Variants in TRHDE observed in about 807,000 individuals in gnomAD.
TRHDE encodes thyrotropin-releasing hormone-degrading ectoenzyme.
Under a neutral mutation model 125.7 loss-of-function variants are expected in TRHDE, and 72 were observed. The ratio of observed to expected loss-of-function variants is 0.57; its 90% CI spans 0.47 to 0.70. The LOEUF (loss-of-function observed/expected upper bound fraction) is 0.70. Among genes scored for constraint, TRHDE ranks in the 30% least tolerant of loss-of-function variants. TRHDE has a pLI of 0.00. For missense variants in TRHDE, 1,110 were observed against 1,327.1 expected (o/e 0.84, Z 2.54); for synonymous variants, 509 against 509.1 (o/e 1.00, Z 0.00).
intron 2 of TRHDE, among the ~76,000 whole-genome samples, chr12:72,217,131 GA>G (rs1877909806): frequency 6.6e-6 from 1 of 151,882 alleles, no homozygotes; most frequent in South Asian, 2.1e-4. Flanking sequence ...TTACTGGCAA[GA>G]AATCTTAAAA....
At chr12:72,249,686 T>G (rs971161184) in intron 2 of TRHDE, among the ~76,000 whole-genome samples, 1 of 152,192 alleles carries the variant, frequency 6.6e-6, no homozygotes, top group African/African-American at 2.4e-5. Flanking sequence ...AACTCTCATG[T>G]GTTGTTGATG....
At chr12:72,577,907 T>A (rs1397928971) in intron 12 of TRHDE, among the ~76,000 whole-genome samples, 1 of 152,188 alleles carries the variant, frequency 6.6e-6, no homozygotes, top group Non-Finnish European at 1.5e-5. Flanking sequence ...TTATAATTTG[T>A]TTTATTGCTC....
intron 3 of TRHDE, among the ~76,000 whole-genome samples, chr12:72,462,354 CAT>C (rs1193076335): frequency 2.0e-5 from 3 of 152,124 alleles, no homozygotes; most frequent in Non-Finnish European, 2.9e-5. Flanking sequence ...TGATACTTTG[CAT>C]AGGAGTAGAG....
chr12:72,187,942 T>C (rs904149451), intron 2 of TRHDE, among the ~76,000 whole-genome samples: 4 of 152,208 alleles, frequency 2.6e-5, no homozygotes, highest in Admixed American at 6.5e-5. Flanking sequence ...GGGTCTATTA[T>C]ACACATTAAA....
At chr12:72,371,391 TA>T (rs1327120664) in intron 2 of TRHDE, among the ~76,000 whole-genome samples, 1 of 150,358 alleles carries the variant, frequency 6.7e-6, no homozygotes, top group African/African-American at 2.5e-5. Flanking sequence ...TTTATTTATT[TA>T]TTTTTATTAT....
intron 2 of TRHDE, among the ~76,000 whole-genome samples, chr12:72,328,512 G>T (rs1869441481): frequency 6.7e-6 from 1 of 148,732 alleles, no homozygotes; most frequent in South Asian, 2.1e-4. Context: ...ATCTGAGGAA[G>T]ATAAAAATAG....
intron 12 of TRHDE, among the ~76,000 whole-genome samples, chr12:72,592,872 G>A (rs568677755): frequency 2.6e-5 from 4 of 152,026 alleles, no homozygotes; most frequent in East Asian, 1.9e-4. Context: ...CACTATGCCC[G>A]GCTAATTTTG....
intron 6 of TRHDE, among the ~76,000 whole-genome samples, chr12:72,521,253 A>G (rs1476438629): frequency 6.6e-6 from 1 of 152,226 alleles, no homozygotes; most frequent in Non-Finnish European, 1.5e-5. Context: ...CATAATTCCC[A>G]AAGAGTCTAC....
intron 15 of TRHDE, among the ~76,000 whole-genome samples, chr12:72,637,874 T>C (rs532627107): frequency 0.016 from 2,386 of 152,044 alleles, 21 homozygotes; most frequent in Middle Eastern, 0.037. Flanking sequence ...AGAGATAGTT[T>C]GTTATAATTT....
In TRHDE at chr12:72,417,697, A is replaced by G. The variant is rs562471702; in HGVS notation, c.1315+39576A>G. 2.6e-5 allele frequency among the ~76,000 whole-genome samples: 4 copies of G among 152,154 alleles called. No individual in the cohort carries two copies. The South Asian group carries it at 6.2e-4, about 24-fold the overall frequency. On this transcript the variant is annotated intron_variant, in intron 3 of 18. Transcript: ENST00000261180. Reference sequence around the variant, plus strand: ...ATTCTATTTGGTGCATATAATTCATATTGTTACTGAAGTTTTTCCTAGCTT... The same window carrying G: ...ATTCTATTTGGTGCATATAATTCATGTTGTTACTGAAGTTTTTCCTAGCTT...
At chr12:72,288,022 A>C (rs536314940) in intron 2 of TRHDE, among the ~76,000 whole-genome samples, 105 of 152,136 alleles carry the variant, frequency 6.9e-4, no homozygotes, top group Non-Finnish European at 1.2e-3. Context: ...CAGGGGCTAA[A>C]CGTAAGCAAA....
intron 6 of TRHDE, among the ~76,000 whole-genome samples, chr12:72,525,572 T>C (rs1201814733): frequency 6.6e-6 from 1 of 151,316 alleles, no homozygotes; most frequent in Admixed American, 6.6e-5. Flanking sequence ...TGAAATACTA[T>C]ACTAGACTTC....
chr12:72,468,013 T>G (rs1876466457), intron 3 of TRHDE, among the ~76,000 whole-genome samples: 1 of 152,244 alleles, frequency 6.6e-6, no homozygotes, highest in South Asian at 2.1e-4. Context: ...TGAAATATTA[T>G]TATTAAAAAC....
intron 1 of TRHDE, among the ~76,000 whole-genome samples, chr12:72,103,277 T>C (rs562869780): frequency 9.2e-5 from 14 of 152,338 alleles, no homozygotes; most frequent in Admixed American, 2.6e-4. Flanking sequence ...TTAGATCCGA[T>C]ATTTAGGACA....
intron 6 of TRHDE, among the ~76,000 whole-genome samples, chr12:72,531,292 C>A (rs1452650020): frequency 1.3e-5 from 2 of 151,832 alleles, no homozygotes; most frequent in Non-Finnish European, 2.9e-5. Context: ...TATCCATTGC[C>A]CATTTTCCAA....
intron 2 of TRHDE, among the ~76,000 whole-genome samples, chr12:72,151,546 T>G (rs1342485694): frequency 6.6e-5 from 10 of 151,996 alleles, no homozygotes; most frequent in Non-Finnish European, 1.0e-4. Context: ...ATTTAAGTCT[T>G]TAATCCATCT....
chr12:72,151,060 G>A (rs1466263232), intron 2 of TRHDE, among the ~76,000 whole-genome samples: 1 of 152,174 alleles, frequency 6.6e-6, no homozygotes, highest in African/African-American at 2.4e-5. Context: ...TCCAGCACCT[G>A]TTGTTTCCTG....
intron 6 of TRHDE, among the ~76,000 whole-genome samples, chr12:72,540,188 G>T (rs1869074092): frequency 6.6e-6 from 1 of 151,694 alleles, no homozygotes; most frequent in Non-Finnish European, 1.5e-5. Flanking sequence ...GAAAGAAAAG[G>T]CTAGTTAAAC....
intron 2 of TRHDE, among the ~76,000 whole-genome samples, chr12:72,374,682 G>C (rs1233180344): frequency 1.3e-5 from 2 of 152,130 alleles, no homozygotes; most frequent in Admixed American, 6.6e-5. Flanking sequence ...GGAAGTGATC[G>C]ATCAACTGTG....
Sources: allele counts gnomAD v4.1 joint callset (sites outside exome capture counted in the v4.1 genomes callset), GRCh38; gene constraint gnomAD v4.1.1; transcripts MANE v1.5; gene names NCBI Gene and HGNC (gene_info 2026-07-23, HGNC 2026-07-21).